Variants in ETV6 observed in about 807,000 individuals in gnomAD.
ETV6 encodes the protein ETS variant transcription factor 6.
In ETV6, 16 loss-of-function variants were observed where a neutral mutation model predicts 51.1. That is an observed-to-expected ratio of 0.31 (90% CI 0.21 to 0.48). The LOEUF (loss-of-function observed/expected upper bound fraction) is 0.48. Ranked by LOEUF, ETV6 falls within the 20% of genes least tolerant of loss-of-function variation. ETV6 has a pLI of 0.99. For synonymous variants in ETV6, 240 were observed against 224.1 expected (o/e 1.07, Z -0.64); for missense variants, 458 against 594.8 (o/e 0.77, Z 2.39).
At chr12:11,789,097 A>G (rs1945536990) in intron 2 of ETV6, among the ~76,000 whole-genome samples, 1 of 151,984 alleles carries the variant, frequency 6.6e-6, no homozygotes, top group Non-Finnish European at 1.5e-5. Flanking sequence ...CAGTTGTGTG[A>G]TCTCTGCTCA....
chr12:11,711,559 C>T (rs953255755), intron 1 of ETV6, among the ~76,000 whole-genome samples: 1 of 152,176 alleles, frequency 6.6e-6, no homozygotes, highest in Non-Finnish European at 1.5e-5. Context: ...TGTTTCTAAT[C>T]CTGAAATTCC....
rs1429977621 is a variant in ETV6, at chr12:11,892,606, C to T, written c.*1560C>T. 8.6e-6 allele frequency: 2 copies of T among 232,540 alleles called. No individual in the cohort carries two copies. Among genetic ancestry groups the T allele is most frequent in the Non-Finnish European group, 1.7e-5 (2 of 117,914 alleles). 14.4% of individuals were successfully genotyped at this position (232,540 alleles called of 1,614,324 possible). A position where few individuals can be genotyped will look rare whatever the true frequency, so the allele number is the denominator to read the frequency against. ...CAATTTCTTTTAATCCAGATTACAC[C>T]TGCCTTACAAAGCACCCCCTCCTTG... On this transcript the variant is annotated 3_prime_UTR_variant, in exon 8 of 8. Coordinates refer to ENST00000396373, the MANE Select transcript of ETV6 (RefSeq NM_001987.5).
chr12:11,800,841 G>A (rs1230517864), intron 2 of ETV6, among the ~76,000 whole-genome samples: 1 of 152,132 alleles, frequency 6.6e-6, no homozygotes, highest in Non-Finnish European at 1.5e-5. Flanking sequence ...GGCTTAGTTG[G>A]GGGGATCACT....
chr12:11,725,722 G>A (rs1163376516), intron 1 of ETV6, among the ~76,000 whole-genome samples: 3 of 152,150 alleles, frequency 2.0e-5, no homozygotes, highest in African/African-American at 7.2e-5. Flanking sequence ...GGGTGAGTGA[G>A]TTCTCGCTCT....
chr12:11,853,490 C>T lies in ETV6; in HGVS notation c.392C>T (p.Ser131Leu). ...CAGAGGAAACCTCGGATTCTTTTTT[C>T]ACCATTCTTCCACCCTGGAAACTCT... Reference protein sequence around the residue: ...LKQRKPRILFSPFFHPGNSIH... With the variant: ...LKQRKPRILFLPFFHPGNSIH... The change falls in exon 4 of 8, where the codon TCA (serine) becomes TTA (leucine). Residue 131 changes from serine (S) to leucine (L), a missense_variant. Physicochemically the swap from Ser to Leu is moderately radical, Grantham distance 145. Coordinates refer to ENST00000396373, the MANE Select transcript of ETV6 (RefSeq NM_001987.5). 1.2e-6 allele frequency: 2 copies of T among 1,614,176 alleles called. No homozygotes were observed. The highest frequency in any genetic ancestry group is 1.7e-6 in the Non-Finnish European group (2 of 1,180,014).
At chr12:11,664,032 G>A (rs1272532887) in intron 1 of ETV6, among the ~76,000 whole-genome samples, 3 of 152,188 alleles carry the variant, frequency 2.0e-5, no homozygotes, top group Non-Finnish European at 4.4e-5. Flanking sequence ...GGATGAATAG[G>A]TAAATCACCT....
chr12:11,683,005 G>A (rs958961575), intron 1 of ETV6, among the ~76,000 whole-genome samples: 1 of 152,168 alleles, frequency 6.6e-6, no homozygotes, highest in Non-Finnish European at 1.5e-5. Flanking sequence ...AATGCTAATT[G>A]TTTTTACTTA....
intron 1 of ETV6, among the ~76,000 whole-genome samples, chr12:11,657,220 G>A (rs962260989): frequency 6.6e-6 from 1 of 152,186 alleles, no homozygotes; most frequent in Admixed American, 6.5e-5. Context: ...TGAGGAAACT[G>A]AGTCTTGTGG....
At chr12:11,666,494 A>G (rs891995474) in intron 1 of ETV6, among the ~76,000 whole-genome samples, 2 of 152,208 alleles carry the variant, frequency 1.3e-5, no homozygotes, top group African/African-American at 4.8e-5. Flanking sequence ...AGTGACATTT[A>G]TTTAAAGAGG....
intron 1 of ETV6, among the ~76,000 whole-genome samples, chr12:11,657,912 C>T (rs2724631): frequency 0.65 from 99,272 of 152,150 alleles, 38,336 homozygotes; most frequent in Non-Finnish European, 0.84. Flanking sequence ...AGGGCTTTAC[C>T]TCACTGCCAT....
At chr12:11,814,551 G>T (rs1238532715) in intron 2 of ETV6, among the ~76,000 whole-genome samples, 1 of 152,124 alleles carries the variant, frequency 6.6e-6, no homozygotes, top group Non-Finnish European at 1.5e-5. Context: ...AGCTGTGTGT[G>T]TTGTGAGTCA....
intron 1 of ETV6, among the ~76,000 whole-genome samples, chr12:11,732,956 T>G (rs913690348): frequency 2.0e-4 from 31 of 152,212 alleles, no homozygotes; most frequent in African/African-American, 7.2e-4. Context: ...AGATTGTGGC[T>G]TTAGAATCTG....
intron 1 of ETV6, among the ~76,000 whole-genome samples, chr12:11,746,288 T>C (rs1865906918): frequency 6.6e-6 from 1 of 152,216 alleles, no homozygotes; most frequent in Non-Finnish European, 1.5e-5. Context: ...GAAGTAAAGT[T>C]AGATCAGTCT....
chr12:11,806,444 G>A (rs2136411698), intron 2 of ETV6, among the ~76,000 whole-genome samples: 1 of 152,322 alleles, frequency 6.6e-6, no homozygotes, highest in South Asian at 2.1e-4. Context: ...AAGGCTAACT[G>A]AGAAGCTTAT....
intron 1 of ETV6, among the ~76,000 whole-genome samples, chr12:11,730,814 T>C (rs1834786878): frequency 6.6e-6 from 1 of 152,152 alleles, no homozygotes; most frequent in Non-Finnish European, 1.5e-5. Flanking sequence ...CCTCAGTGGG[T>C]TGCTGTTTGC....
chr12:11,665,729 G>T (rs536092032), intron 1 of ETV6, among the ~76,000 whole-genome samples: 15 of 152,318 alleles, frequency 9.8e-5, no homozygotes, highest in Admixed American at 7.2e-4. Flanking sequence ...AAGAAGAAAG[G>T]TAGAGACCTG....
At chr12:11,840,368 T>C (rs73052094) in intron 3 of ETV6, 1 of 454,618 alleles carries the variant, frequency 2.2e-6, no homozygotes, top group Non-Finnish European at 4.4e-6. Context: ...GAACTACATA[T>C]GTCAAAGGGG....
At chr12:11,722,229 G>A (rs376596211) in intron 1 of ETV6, among the ~76,000 whole-genome samples, 7 of 152,280 alleles carry the variant, frequency 4.6e-5, no homozygotes, top group Admixed American at 3.3e-4. Context: ...GAGAAAAGTC[G>A]ACTGGTTTGA....
intron 5 of ETV6, among the ~76,000 whole-genome samples, chr12:11,881,767 A>T (rs1349139524): frequency 6.6e-6 from 1 of 152,262 alleles, no homozygotes; most frequent in Non-Finnish European, 1.5e-5. Context: ...AATTCAAGAC[A>T]AGGAGATGCT....
Sources: gnomAD v4.1 joint callset for allele counts (sites outside exome capture counted in the v4.1 genomes callset) on GRCh38, gnomAD v4.1.1 for gene constraint, MANE v1.5 for transcripts, NCBI Gene and HGNC (gene_info 2026-07-23, HGNC 2026-07-21) for gene names.